CCSER1: variants seen among roughly 807,000 people sequenced by gnomAD.
CCSER1 encodes the protein coiled-coil serine rich protein 1.
In CCSER1, 41 loss-of-function variants were observed where a neutral mutation model predicts 82.0. The observed-to-expected ratio is 0.50, with a 90% confidence interval of 0.39 to 0.65. The LOEUF (loss-of-function observed/expected upper bound fraction) is 0.65. CCSER1 is among the 30% of genes least tolerant of loss of function. The probability of loss-of-function intolerance (pLI) is 0.00; values close to 1 mark genes in which losing one functional copy is unlikely to be tolerated. For synonymous variants in CCSER1, 414 were observed against 383.9 expected, an observed-to-expected ratio of 1.08 and a Z score of -0.92; for missense variants, 1,119 against 1,064.2, an observed-to-expected ratio of 1.05 and a Z score of -0.72.
chr4:90,487,947 G>T (rs769132833), intron 5 of CCSER1, among the ~76,000 whole-genome samples: 20 of 152,240 alleles, frequency 1.3e-4, no homozygotes, highest in Non-Finnish European at 2.4e-4. Context: ...GCTTAATCTA[G>T]TGTTTTAATG....
intron 10 of CCSER1, among the ~76,000 whole-genome samples, chr4:91,148,232 T>C (rs568530827): frequency 6.6e-6 from 1 of 152,272 alleles, no homozygotes; most frequent in African/African-American, 2.4e-5. Flanking sequence ...CAATGCGGTC[T>C]AATCCATTTT....
intron 10 of CCSER1, among the ~76,000 whole-genome samples, chr4:91,596,280 A>G (rs954158276): frequency 1.3e-5 from 2 of 152,096 alleles, no homozygotes; most frequent in African/African-American, 4.8e-5. Context: ...CTCAAAGGTA[A>G]TATTAAAATA....
chr4:90,470,774 A>AAAAAAC (rs1764270069), intron 5 of CCSER1, among the ~76,000 whole-genome samples: 1 of 149,826 alleles, frequency 6.7e-6, no homozygotes, highest in African/African-American at 2.5e-5. Flanking sequence ...AAAAAAAAAA[A>AAAAAAC]AAAAAAACAA....
At chr4:91,028,051 A>G (rs1740644930) in intron 9 of CCSER1, among the ~76,000 whole-genome samples, 1 of 151,984 alleles carries the variant, frequency 6.6e-6, no homozygotes. Flanking sequence ...ACAACACACT[A>G]ATGATGTATT....
intron 10 of CCSER1, among the ~76,000 whole-genome samples, chr4:91,208,351 A>T (rs1303806223): frequency 6.6e-6 from 1 of 151,846 alleles, no homozygotes; most frequent in African/African-American, 2.4e-5. Flanking sequence ...CAGGGTTTTT[A>T]TACTTCTAGG....
intron 10 of CCSER1, among the ~76,000 whole-genome samples, chr4:91,541,008 T>A (rs938749741): frequency 2.6e-5 from 4 of 152,180 alleles, no homozygotes; most frequent in Non-Finnish European, 5.9e-5. Context: ...TTTTCAATAT[T>A]GAATTGGCTT....
At chr4:91,125,219 G>T (rs1554070550) in intron 10 of CCSER1, among the ~76,000 whole-genome samples, 1 of 151,598 alleles carries the variant, frequency 6.6e-6, no homozygotes, top group Non-Finnish European at 1.5e-5. Flanking sequence ...CAATTAGCAT[G>T]ACACATGTTG....
intron 7 of CCSER1, among the ~76,000 whole-genome samples, chr4:90,813,476 C>T (rs1258244620): frequency 6.6e-6 from 1 of 152,190 alleles, no homozygotes; most frequent in Non-Finnish European, 1.5e-5. Context: ...CCACCCAAAT[C>T]TCAACTTGAA....
chr4:90,690,626 T>C (rs1030359346), intron 6 of CCSER1, among the ~76,000 whole-genome samples: 1 of 152,116 alleles, frequency 6.6e-6, no homozygotes, highest in African/African-American at 2.4e-5. Context: ...TCTTCCAAAG[T>C]GTATTTCTCT....
At chr4:90,577,462 G>T (rs924481062) in intron 5 of CCSER1, among the ~76,000 whole-genome samples, 3 of 152,052 alleles carry the variant, frequency 2.0e-5, no homozygotes, top group African/African-American at 7.2e-5. Flanking sequence ...TCCTACAGAG[G>T]TTTCTGCTGG....
chr4:90,265,049 G>T (rs1052002718), intron 1 of CCSER1, among the ~76,000 whole-genome samples: 2 of 151,648 alleles, frequency 1.3e-5, no homozygotes, highest in Non-Finnish European at 2.9e-5. Context: ...GAATATTCTT[G>T]TATCTCAGAT....
At chr4:91,454,177 A>G (rs1362044839) in intron 10 of CCSER1, among the ~76,000 whole-genome samples, 1 of 152,094 alleles carries the variant, frequency 6.6e-6, no homozygotes, top group Non-Finnish European at 1.5e-5. Context: ...AAAACAATAC[A>G]CGTTTATTCT....
At chr4:91,126,976 A>T (rs550252436) in intron 10 of CCSER1, among the ~76,000 whole-genome samples, 15 of 152,114 alleles carry the variant, frequency 9.9e-5, no homozygotes, top group Admixed American at 8.5e-4. Context: ...CCACAAAAGC[A>T]ACAATGTCTA....
intron 10 of CCSER1, among the ~76,000 whole-genome samples, chr4:91,237,359 C>A (rs548394688): frequency 1.5e-4 from 23 of 150,868 alleles, no homozygotes; most frequent in Admixed American, 6.6e-4. Context: ...CTTGAGAATG[C>A]ATTACCAAAG....
chr4:91,371,298 C>T (rs1181783318), intron 10 of CCSER1, among the ~76,000 whole-genome samples: 1 of 152,092 alleles, frequency 6.6e-6, no homozygotes, highest in African/African-American at 2.4e-5. Flanking sequence ...ACCCCAAGCC[C>T]CCACCACCAC....
chr4:91,301,242 A>G (rs1195878997), intron 10 of CCSER1, among the ~76,000 whole-genome samples: 1 of 151,868 alleles, frequency 6.6e-6, no homozygotes, highest in Non-Finnish European at 1.5e-5. Context: ...TTCTCCTTTT[A>G]TATAAACAGT....
At chr4:90,349,119 G>T (rs961273548) in intron 3 of CCSER1, among the ~76,000 whole-genome samples, 10 of 152,022 alleles carry the variant, frequency 6.6e-5, no homozygotes, top group South Asian at 2.1e-4. Flanking sequence ...GAGACAAAAA[G>T]TCAGTCTATA....
intron 10 of CCSER1, among the ~76,000 whole-genome samples, chr4:91,595,132 G>C (rs1451797516): frequency 6.6e-6 from 1 of 151,796 alleles, no homozygotes; most frequent in African/African-American, 2.4e-5. Flanking sequence ...ATAACTGGAT[G>C]ATGGGATATA....
At chr4:90,616,704 C>G (rs1177683187) in intron 5 of CCSER1, among the ~76,000 whole-genome samples, 1 of 120,044 alleles carries the variant, frequency 8.3e-6, no homozygotes. Context: ...CACACACACA[C>G]ACACACACAC....
Sources: allele counts gnomAD v4.1 joint callset (sites outside exome capture counted in the v4.1 genomes callset), GRCh38; gene constraint gnomAD v4.1.1; transcripts MANE v1.5; gene names NCBI Gene and HGNC (gene_info 2026-07-23, HGNC 2026-07-21).